CYTH4: variants seen among roughly 807,000 people sequenced by gnomAD.
The protein encoded by CYTH4 is cytohesin-4.
CYTH4 carries 22 observed loss-of-function variants against 57.5 expected under a neutral mutation model. The observed-to-expected ratio is 0.38, with a 90% CI of 0.27 to 0.55. CYTH4 has a LOEUF of 0.55. Ranked by LOEUF, CYTH4 falls within the 20% of genes least tolerant of loss-of-function variation. The pLI is 0.74. For missense variants in CYTH4, 420 were observed against 535.6 expected, an observed-to-expected ratio of 0.78 and a Z score of 2.13; for synonymous variants, 186 against 206.5, an observed-to-expected ratio of 0.90 and a Z score of 0.85.
In CYTH4 at chr22:37,311,071, A is replaced by C. The variant is rs759959838; in HGVS notation, c.885+7A>C. ...CTACTTCGAGTTCACCACTGTGAGC[A>C]GGGTTCTCCTGGGCCTTCCCCTGCC... On this transcript the variant is annotated splice_region_variant and intron_variant, in intron 10 of 12. Transcript: ENST00000248901. This position sits in a 1 kb window ranked among gnomAD's most constrained non-coding sequence, Gnocchi z 4.4. 20 of 1,614,008 alleles carry C rather than the reference A, an allele frequency of 1.2e-5. No homozygotes were observed. The Admixed American group carries it at 3.2e-4, about 26-fold the overall frequency.
rs1454158136 is a variant in CYTH4, at chr22:37,311,117, C to T, written c.885+53C>T. ...CTGCCCCCGCCTCTCCCCGCACAAC[C>T]CACTTCCCAACTCCCACTGAGCAGT... is the stretch of plus-strand genomic sequence containing the variant. On this transcript the variant is annotated intron_variant, in intron 10 of 12. Transcript: ENST00000248901. The surrounding 1 kb of genome is among the most constrained non-coding windows in gnomAD (Gnocchi z 4.4). The T allele has an allele frequency of 2.7e-5, 43 of 1,590,742 alleles. No individual in the cohort carries two copies. The highest frequency in any genetic ancestry group is 3.7e-5 in the Non-Finnish European group (43 of 1,159,572).
At chr22:37,305,126 T>C (rs916470368) in intron 8 of CYTH4, among the ~76,000 whole-genome samples, 3 of 152,132 alleles carry the variant, frequency 2.0e-5, no homozygotes, top group Non-Finnish European at 2.9e-5. Flanking sequence ...GTTAATTACC[T>C]CCCAGCACTG....
chr22:37,301,231 G>A (rs946222020), intron 7 of CYTH4, among the ~76,000 whole-genome samples: 1 of 152,198 alleles, frequency 6.6e-6, no homozygotes, highest in African/African-American at 2.4e-5. Context: ...GCAGTCAGGA[G>A]ACGATGGCAC....
chr22:37,304,117 G>T (rs1357592456), intron 8 of CYTH4: 1 of 452,604 alleles, frequency 2.2e-6, no homozygotes, highest in East Asian at 7.0e-5. Context: ...GGCAGGGAAG[G>T]GTGCCATCCT....
At chr22:37,297,431 T>A in intron 4 of CYTH4, 133 bp from the exon 5 acceptor site, 1 of 723,620 alleles carries the variant, frequency 1.4e-6, no homozygotes, top group Non-Finnish European at 2.3e-6. Flanking sequence ...GGTCAAAACT[T>A]CCCAGAACAG....
intron 9 of CYTH4, among the ~76,000 whole-genome samples, 198 bp downstream of exon 9, chr22:37,309,521 C>G (rs922296034): frequency 6.6e-6 from 1 of 152,128 alleles, no homozygotes; most frequent in Admixed American, 6.5e-5. Flanking sequence ...CCACCTGTCC[C>G]GAGAAGGAAG....
chr22:37,289,235 C>T (rs2145855208), intron 1 of CYTH4, among the ~76,000 whole-genome samples: 1 of 152,344 alleles, frequency 6.6e-6, no homozygotes, highest in East Asian at 1.9e-4. Context: ...ATCTTCCCAT[C>T]TTCCTTCTTT....
At chr22:37,284,907 G>C (rs1016450395) in intron 1 of CYTH4, among the ~76,000 whole-genome samples, 2 of 152,026 alleles carry the variant, frequency 1.3e-5, no homozygotes, top group Non-Finnish European at 2.9e-5. Flanking sequence ...AGAGAAGACA[G>C]GCAGCGCAGT....
At position 37,303,347 on chromosome 22, in the gene CYTH4, T is replaced by C; in HGVS notation, c.641T>C (p.Val214Ala). ...GACAGGCCGCCTTTTGAGCGCTTTGTGTCCATGAACCGCGGCATCAACAAT... is the reference window on the plus strand; with the variant it reads ...GACAGGCCGCCTTTTGAGCGCTTTGCGTCCATGAACCGCGGCATCAACAAT... ...VRDRPPFERF[V>A]SMNRGINNGS... Residue 214 changes from valine (V) to alanine (A), a missense_variant, in exon 8 of 13, where the codon GTG becomes GCG. Val to Ala is a moderately conservative substitution (Grantham distance 64). Transcript: ENST00000248901. 6.2e-7 allele frequency: 1 copy of C among 1,614,198 alleles called. No homozygotes were observed. Among genetic ancestry groups the C allele is most frequent in the African/African-American group, 1.3e-5 (1 of 75,068 alleles).
chr22:37,289,457 G>A (rs903576409), intron 1 of CYTH4, among the ~76,000 whole-genome samples: 8 of 152,162 alleles, frequency 5.3e-5, no homozygotes, highest in Admixed American at 2.0e-4. Flanking sequence ...TTTCACTTGC[G>A]CCCAAACTCT....
chr22:37,295,870 A>G lies in CYTH4; in HGVS notation c.168-129A>G, dbSNP rs530991740. 22 of 924,082 alleles carry G rather than the reference A, an allele frequency of 2.4e-5. 1 individual carries two copies. Among genetic ancestry groups the G allele is most frequent in the Non-Finnish European group, 3.1e-5 (18 of 588,030 alleles). 57.2% of individuals were successfully genotyped at this position (924,082 alleles called of 1,614,324 possible). Reference sequence around the variant, plus strand: ...TCTCCCGCCCAGGTGGTTCCCATGCAGGACCCGGAGGCCACACTTGGAGGG... The same window carrying G: ...TCTCCCGCCCAGGTGGTTCCCATGCGGGACCCGGAGGCCACACTTGGAGGG... On this transcript the variant is annotated intron_variant, in intron 3 of 12. Transcript: ENST00000248901. The surrounding 1 kb of genome is among the most constrained non-coding windows in gnomAD (Gnocchi z 4.1).
At chr22:37,287,653 T>C (rs538157304) in intron 1 of CYTH4, among the ~76,000 whole-genome samples, 1 of 152,164 alleles carries the variant, frequency 6.6e-6, no homozygotes, top group African/African-American at 2.4e-5. Flanking sequence ...CCCTTACACC[T>C]TCCATCCCTG....
intron 8 of CYTH4, among the ~76,000 whole-genome samples, chr22:37,308,052 C>A (rs1296003837): frequency 7.5e-6 from 1 of 133,360 alleles, no homozygotes; most frequent in Non-Finnish European, 1.7e-5. Flanking sequence ...TCCCCAGACC[C>A]CACCCCGGCC....
At position 37,303,349 on chromosome 22, in the gene CYTH4, T is replaced by C. The variant is rs1165148934; in HGVS notation, c.643T>C (p.Ser215Pro). The C allele has an allele frequency of 6.2e-7, 1 of 1,614,132 alleles. No homozygotes were observed. Among genetic ancestry groups the C allele is most frequent in the Admixed American group, 1.7e-5 (1 of 60,002 alleles). ...RDRPPFERFV[S>P]MNRGINNGSD... ...CAGGCCGCCTTTTGAGCGCTTTGTG[T>C]CCATGAACCGCGGCATCAACAATGG... Residue 215 changes from serine to proline, a missense_variant, in exon 8 of 13, where the codon TCC becomes CCC. Physicochemically the swap from Ser to Pro is moderately conservative, Grantham distance 74. Coordinates refer to ENST00000248901, the MANE Select transcript of CYTH4 (RefSeq NM_013385.5).
Position 37,299,221 on chromosome 22 carries a change from C to G in CYTH4, c.354-5C>G. ...TCCCACCCTCCCTTCCGCCTCCTCC[C>G]CCAGGGATCCCATCAACCTGCAGGT... is the stretch of plus-strand genomic sequence containing the variant. On this transcript the variant is annotated splice_region_variant and splice_polypyrimidine_tract_variant and intron_variant, in intron 5 of 12. Transcript: ENST00000248901. 6.2e-7 allele frequency: 1 copy of G among 1,613,444 alleles called. No individual in the cohort carries two copies. Among genetic ancestry groups the G allele is most frequent in the South Asian group, 1.1e-5 (1 of 91,010 alleles).
intron 1 of CYTH4, among the ~76,000 whole-genome samples, chr22:37,290,413 A>G (rs1279818315): frequency 1.3e-5 from 2 of 152,180 alleles, no homozygotes; most frequent in South Asian, 2.1e-4. Flanking sequence ...CTTCCCTTGG[A>G]ACCCAGCCTC....
rs376617044 is a variant in CYTH4 at position 37,309,337 on chromosome 22, A to G, written c.808+14A>G. ...TGCTCAAGCTAGGTGAGAGACCGACAGACACACGTCGTCGCACACACACTC... is the reference window on the plus strand; with the variant it reads ...TGCTCAAGCTAGGTGAGAGACCGACGGACACACGTCGTCGCACACACACTC... On this transcript the variant is annotated intron_variant, in intron 9 of 12. Transcript: ENST00000248901. The G allele has an allele frequency of 2.5e-6, 4 of 1,608,776 alleles. No homozygotes were observed. The highest frequency in any genetic ancestry group is 2.7e-5 in the African/African-American group (2 of 74,826).
chr22:37,314,132 G>T lies in CYTH4; in HGVS notation c.*621G>T, dbSNP rs996600064. The T allele has an allele frequency of 1.1e-5, 4 of 377,064 alleles. No individual in the cohort carries two copies. Among genetic ancestry groups the T allele is most frequent in the Non-Finnish European group, 1.9e-5 (4 of 212,934 alleles). 23.4% of individuals were successfully genotyped at this position (377,064 alleles called of 1,614,324 possible). On this transcript the variant is annotated 3_prime_UTR_variant, in exon 13 of 13. Transcript: ENST00000248901. Reference sequence around the variant, plus strand: ...GTCCCAGCTCTGCCTCTGACTCGCTGTGTGCCCTCTGCCAAGTCATGCCCA... The same window carrying T: ...GTCCCAGCTCTGCCTCTGACTCGCTTTGTGCCCTCTGCCAAGTCATGCCCA...
intron 1 of CYTH4, among the ~76,000 whole-genome samples, chr22:37,287,641 G>A (rs908798940): frequency 1.4e-4 from 22 of 152,002 alleles, no homozygotes; most frequent in East Asian, 1.9e-4. Context: ...CACACAGGTG[G>A]CCCCTTACAC....
Sources: allele counts gnomAD v4.1 joint callset (sites outside exome capture counted in the v4.1 genomes callset), GRCh38; gene constraint gnomAD v4.1.1; non-coding constraint Gnocchi (gnomAD v3.1); transcripts MANE v1.5; gene names NCBI Gene and HGNC (gene_info 2026-07-23, HGNC 2026-07-21).